Variants in RAB7A observed in about 807,000 individuals in gnomAD.
RAB7A encodes RAB7A, member RAS oncogene family, also known as ras-related protein Rab-7a.
RAB7A carries 2 observed loss-of-function variants against 24.5 expected under a neutral mutation model. The observed-to-expected ratio is 0.08, with a 90% confidence interval of 0.03 to 0.26. The LOEUF (loss-of-function observed/expected upper bound fraction) is 0.26, where lower values mean the gene tolerates loss of function less well. RAB7A is among the 10% of genes least tolerant of loss of function. The pLI is 1.00. For synonymous variants in RAB7A, 100 were observed against 95.9 expected (o/e 1.04, Z -0.25); for missense variants, 118 against 255.7 (o/e 0.46, Z 3.67).
intron 1 of RAB7A, among the ~76,000 whole-genome samples, chr3:128,764,297 T>A (rs2070805719): frequency 6.6e-6 from 1 of 152,108 alleles, no homozygotes; most frequent in African/African-American, 2.4e-5. Context: ...TTTCTTTCTT[T>A]TTTTTTTTGG....
intron 1 of RAB7A, among the ~76,000 whole-genome samples, chr3:128,753,681 TTC>T (rs2070707146): frequency 6.6e-6 from 1 of 152,214 alleles, no homozygotes; most frequent in South Asian, 2.1e-4. Flanking sequence ...GGTCCCTTGT[TTC>T]TGTGTCCTCA....
chr3:128,799,993 T>TA (rs944110419), intron 3 of RAB7A, among the ~76,000 whole-genome samples: 4 of 151,746 alleles, frequency 2.6e-5, no homozygotes, highest in Non-Finnish European at 2.9e-5. Context: ...AGGGATACTA[T>TA]AAAAAAATGA....
chr3:128,772,095 A>C (rs1001618404), intron 1 of RAB7A, among the ~76,000 whole-genome samples: 2 of 152,230 alleles, frequency 1.3e-5, no homozygotes, highest in African/African-American at 4.8e-5. Context: ...CAGTTCAGGG[A>C]GAGTAGGACA....
chr3:128,769,034 A>G (rs1186659411), intron 1 of RAB7A, among the ~76,000 whole-genome samples: 1 of 124,516 alleles, frequency 8.0e-6, no homozygotes, highest in Non-Finnish European at 1.6e-5. Flanking sequence ...CTGGGACCAC[A>G]GGTGTACACC....
rs928549243 is a variant in RAB7A, at chr3:128,811,002, C to T, written c.529-2325C>T. Among the ~76,000 whole-genome samples the T allele has an allele frequency of 2.0e-5, 3 of 151,730 alleles. No homozygotes were observed. The South Asian group carries it at 6.3e-4, about 32-fold the overall frequency. On this transcript the variant is annotated intron_variant, in intron 5 of 5. Coordinates refer to ENST00000265062, the MANE Select transcript of RAB7A (RefSeq NM_004637.6). Reference sequence around the variant, plus strand: ...CTGGGAGGTGGAGGTTGCAGTGAGCCGAGATTGCACCATTGCACTCCAGCC... The same window carrying T: ...CTGGGAGGTGGAGGTTGCAGTGAGCTGAGATTGCACCATTGCACTCCAGCC...
At chr3:128,805,441 A>G (rs1056746839) in intron 3 of RAB7A, among the ~76,000 whole-genome samples, 1 of 152,128 alleles carries the variant, frequency 6.6e-6, no homozygotes, top group Non-Finnish European at 1.5e-5. Context: ...GGCAGTAAGT[A>G]TACCCAGCCT....
chr3:128,792,509 C>T (rs1340184689), intron 1 of RAB7A, among the ~76,000 whole-genome samples: 2 of 151,760 alleles, frequency 1.3e-5, no homozygotes, highest in East Asian at 1.9e-4. Flanking sequence ...TGGATTTAAT[C>T]GATTCTCCTG....
chr3:128,798,928 C>T lies in RAB7A; in HGVS notation c.180+859C>T, dbSNP rs556926731. 3 of 265,106 alleles carry T rather than the reference C, an allele frequency of 1.1e-5. No homozygotes were observed. In the South Asian group the frequency reaches 1.2e-4, roughly 11 times the overall value. The allele number at this position is 265,106 out of a possible 1,614,324, so 16.4% of individuals were successfully genotyped here. On this transcript the variant is annotated intron_variant, in intron 3 of 5. Transcript: ENST00000265062. ...AGCTGAGGTTGTCAGTACAACCTCA[C>T]TTTGAAACCAAACTATTGGGATAGG...
At chr3:128,783,200 TCCCCCGCCCCCCCGC>T (rs199603796) in intron 1 of RAB7A, among the ~76,000 whole-genome samples, 1 of 121,550 alleles carries the variant, frequency 8.2e-6, no homozygotes, top group Non-Finnish European at 1.8e-5. Flanking sequence ...GGAGAATTTA[TCCCCCGCCCCCCCGC>T]CCCCCACAAA....
intron 1 of RAB7A, among the ~76,000 whole-genome samples, chr3:128,793,553 A>C (rs1313916535): frequency 6.6e-6 from 1 of 152,142 alleles, no homozygotes; most frequent in Admixed American, 6.5e-5. Flanking sequence ...CCTTCTTTCT[A>C]TTTGAAACTT....
At chr3:128,795,079 C>T (rs1482867666) in intron 1 of RAB7A, among the ~76,000 whole-genome samples, 2 of 152,106 alleles carry the variant, frequency 1.3e-5, no homozygotes, top group East Asian at 1.9e-4. Context: ...TTCAAATTGC[C>T]AATCCATTCA....
chr3:128,780,725 AG>A (rs1933200588), intron 1 of RAB7A, among the ~76,000 whole-genome samples: 1 of 152,244 alleles, frequency 6.6e-6, no homozygotes, highest in Non-Finnish European at 1.5e-5. Flanking sequence ...GTTAGGGCAT[AG>A]GATATTTTAG....
chr3:128,772,915 G>T (rs907218774), intron 1 of RAB7A, among the ~76,000 whole-genome samples: 1 of 152,236 alleles, frequency 6.6e-6, no homozygotes. Flanking sequence ...AGGCTGGAGT[G>T]CAGTGGCGTG....
chr3:128,757,393 AGT>A (rs1367395339), intron 1 of RAB7A, among the ~76,000 whole-genome samples: 1 of 152,202 alleles, frequency 6.6e-6, no homozygotes, highest in African/African-American at 2.4e-5. Context: ...AGAGGGAACA[AGT>A]GTGATATTGA....
chr3:128,737,333 C>G (rs2070499318), intron 1 of RAB7A, among the ~76,000 whole-genome samples: 1 of 138,794 alleles, frequency 7.2e-6, no homozygotes, highest in Admixed American at 7.6e-5. Context: ...GCCACCGCTC[C>G]CGGCCTTTTT....
chr3:128,807,551 A>G lies in RAB7A; in HGVS notation c.408A>G (p.Thr136=), dbSNP rs1933832534. ...KIDLENRQVA[T]KRAQAWCYSK... ...CCTGCTTCTTCTTTCAGGTGGCCAC[A>G]AAGCGGGCACAGGCCTGGTGCTACA... Residue 136 remains threonine (T), a synonymous_variant, in exon 5 of 6, where the codon ACA becomes ACG. Coordinates refer to ENST00000265062, the MANE Select transcript of RAB7A (RefSeq NM_004637.6). The G allele has an allele frequency of 6.2e-7, 1 of 1,614,152 alleles. No individual in the cohort carries two copies. The highest frequency in any genetic ancestry group is 8.5e-7 in the Non-Finnish European group (1 of 1,180,026).
intron 1 of RAB7A, among the ~76,000 whole-genome samples, chr3:128,770,281 C>T (rs1272490395): frequency 6.6e-6 from 1 of 152,120 alleles, no homozygotes; most frequent in Non-Finnish European, 1.5e-5. Context: ...GATTACAGCA[C>T]TGGCGTGAGC....
chr3:128,798,327 T>C (rs1163391511), intron 3 of RAB7A: 1 of 415,282 alleles, frequency 2.4e-6, no homozygotes, highest in East Asian at 5.4e-5. Flanking sequence ...ATTTATCCTT[T>C]CTTGTTTTTT....
chr3:128,805,506 TA>T (rs967213717), intron 3 of RAB7A, among the ~76,000 whole-genome samples: 1 of 152,202 alleles, frequency 6.6e-6, no homozygotes, highest in African/African-American at 2.4e-5. Context: ...AGCTGGGCGG[TA>T]GTACCTGGTT....
Sources: gnomAD v4.1 joint callset for allele counts (sites outside exome capture counted in the v4.1 genomes callset) on GRCh38, gnomAD v4.1.1 for gene constraint, MANE v1.5 for transcripts, NCBI Gene and HGNC (gene_info 2026-07-23, HGNC 2026-07-21) for gene names.